The following SHOC2 variants were observed in gnomAD, a reference collection of about 807,000 sequenced individuals.
The protein encoded by SHOC2 is leucine-rich repeat protein SHOC-2.
A neutral mutation model predicts 50.2 loss-of-function variants in SHOC2; 4 were observed. The observed-to-expected ratio is 0.08, with a 90% CI of 0.04 to 0.18. SHOC2 has a LOEUF of 0.18. Among genes scored for constraint, SHOC2 ranks in the 10% least tolerant of loss-of-function variants. The pLI, the probability that SHOC2 is intolerant of heterozygous loss-of-function variation, is 1.00. For synonymous variants in SHOC2, 218 were observed against 244.5 expected, an observed-to-expected ratio of 0.89 and a Z score of 1.01; for missense variants, 388 against 669.6, an observed-to-expected ratio of 0.58 and a Z score of 4.64.
chr10:110,938,737 A>G (rs1168385557), intron 1 of SHOC2, among the ~76,000 whole-genome samples: 1 of 152,220 alleles, frequency 6.6e-6, no homozygotes, highest in Non-Finnish European at 1.5e-5. Context: ...TTGATAGTGG[A>G]ACTAAATGTT....
At chr10:110,926,755 GA>G (rs1590773899) in intron 1 of SHOC2, among the ~76,000 whole-genome samples, 1 of 152,234 alleles carries the variant, frequency 6.6e-6, no homozygotes, top group East Asian at 1.9e-4. Flanking sequence ...ATGTATTTTG[GA>G]AAAATTCCAT....
At position 110,941,760 on chromosome 10, in the gene SHOC2, T is replaced by C. The variant is rs191339356; in HGVS notation, c.-235+22103T>C. ...CAGGATCATTTGTGGGGCAAAACTT[T>C]TTAATTTCGATGAAGTGCAGTGTAT... On this transcript the variant is annotated intron_variant, in intron 1 of 8. Coordinates refer to ENST00000369452, the MANE Select transcript of SHOC2 (RefSeq NM_007373.4). Among the ~76,000 whole-genome samples, 199 of 152,356 alleles carry C rather than the reference T, an allele frequency of 1.3e-3. 1 individual carries two copies. The highest frequency in any genetic ancestry group is 1.5e-3 in the Non-Finnish European group (104 of 68,034).
intron 1 of SHOC2, among the ~76,000 whole-genome samples, chr10:110,941,094 A>G (rs1387070623): frequency 1.3e-5 from 2 of 151,374 alleles, no homozygotes; most frequent in Admixed American, 1.3e-4. Context: ...ACCATACCCA[A>G]CTAATTTTTA....
chr10:110,979,377 T>C (rs10885072), intron 2 of SHOC2, among the ~76,000 whole-genome samples: 90,936 of 152,138 alleles, frequency 0.6, 29,814 homozygotes, highest in Non-Finnish European at 0.75. Context: ...TCCCATCACC[T>C]TTGCCATATT....
intron 1 of SHOC2, among the ~76,000 whole-genome samples, chr10:110,950,336 T>G (rs1178165096): frequency 8.5e-5 from 13 of 152,078 alleles, no homozygotes; most frequent in Non-Finnish European, 1.6e-4. Context: ...GTGAATGATC[T>G]ACACAGAAAT....
At chr10:110,929,855 C>G (rs542203316) in intron 1 of SHOC2, among the ~76,000 whole-genome samples, 1 of 152,270 alleles carries the variant, frequency 6.6e-6, no homozygotes, top group Admixed American at 6.5e-5. Context: ...ATTATATTCA[C>G]AAGATAGTAG....
At chr10:110,943,933 A>T (rs1222761008) in intron 1 of SHOC2, among the ~76,000 whole-genome samples, 3 of 152,100 alleles carry the variant, frequency 2.0e-5, no homozygotes, top group Non-Finnish European at 2.9e-5. Context: ...CTTTTAGCAC[A>T]CTTCTTCCAC....
intron 1 of SHOC2, among the ~76,000 whole-genome samples, chr10:110,941,394 C>T (rs749545793): frequency 2.3e-4 from 35 of 151,828 alleles, no homozygotes; most frequent in Non-Finnish European, 4.0e-4. Flanking sequence ...TGTAGTGGCG[C>T]GATCTTGGCT....
At chr10:111,000,643 A>T in intron 4 of SHOC2, 98 bp downstream of exon 4, 1 of 1,112,914 alleles carries the variant, frequency 9.0e-7, no homozygotes, top group Non-Finnish European at 1.3e-6. Context: ...TAATTTGGTG[A>T]TTGAGATTGT....
chr10:110,976,746 G>A (rs561681648), intron 2 of SHOC2, among the ~76,000 whole-genome samples: 22 of 152,262 alleles, frequency 1.4e-4, no homozygotes, highest in African/African-American at 4.6e-4. Flanking sequence ...GAAGTCTGCT[G>A]TTATTCTGAT....
chr10:110,977,030 A>G (rs1029735960), intron 2 of SHOC2, among the ~76,000 whole-genome samples: 1 of 152,080 alleles, frequency 6.6e-6, no homozygotes, highest in African/African-American at 2.4e-5. Flanking sequence ...TTACTGTTCT[A>G]TACAATGAAG....
intron 1 of SHOC2, among the ~76,000 whole-genome samples, chr10:110,927,068 A>G (rs113510637): frequency 2.6e-5 from 4 of 152,334 alleles, no homozygotes; most frequent in Admixed American, 6.5e-5. Context: ...TGATAAGACA[A>G]AATAACTAAG....
At chr10:110,933,673 C>T (rs573660419) in intron 1 of SHOC2, among the ~76,000 whole-genome samples, 2 of 152,298 alleles carry the variant, frequency 1.3e-5, no homozygotes, top group African/African-American at 2.4e-5. Context: ...GTGGCATGCA[C>T]CTGTAGTCCC....
At chr10:110,961,306 A>C (rs375542594) in intron 1 of SHOC2, among the ~76,000 whole-genome samples, 102 of 152,340 alleles carry the variant, frequency 6.7e-4, no homozygotes, top group African/African-American at 2.3e-3. Flanking sequence ...ACTATTAAAT[A>C]AATAACTTAT....
chr10:111,009,126 A>ACAT (rs1227615693), intron 6 of SHOC2, 122 bp from the exon 7 acceptor site: 2 of 583,442 alleles, frequency 3.4e-6, no homozygotes, highest in African/African-American at 3.8e-5. Context: ...ATATAATTGA[A>ACAT]CATCACCCTT....
At chr10:111,009,107 T>G (rs576691123) in intron 6 of SHOC2, 141 bp from the exon 7 acceptor site, 1 of 453,488 alleles carries the variant, frequency 2.2e-6, no homozygotes, top group Non-Finnish European at 3.9e-6. Flanking sequence ...GTTAAATATT[T>G]TATATGTTAT....
intron 3 of SHOC2, among the ~76,000 whole-genome samples, chr10:110,992,164 T>C (rs1343702646): frequency 6.6e-6 from 1 of 152,188 alleles, no homozygotes; most frequent in Admixed American, 6.5e-5. Context: ...TCCCCTGTGA[T>C]AATTACTGCC....
intron 1 of SHOC2, among the ~76,000 whole-genome samples, chr10:110,963,580 G>A (rs1847614576): frequency 6.6e-6 from 1 of 151,668 alleles, no homozygotes; most frequent in Non-Finnish European, 1.5e-5. Flanking sequence ...AAAGCTATCC[G>A]CCAATTAATT....
chr10:110,979,425 C>T (rs979648330), intron 2 of SHOC2, among the ~76,000 whole-genome samples: 1 of 152,214 alleles, frequency 6.6e-6, no homozygotes, highest in African/African-American at 2.4e-5. Context: ...TTAGCCCACA[C>T]TCAAGGGGAG....
Sources: gnomAD v4.1 joint callset for allele counts (sites outside exome capture counted in the v4.1 genomes callset) on GRCh38, gnomAD v4.1.1 for gene constraint, MANE v1.5 for transcripts, NCBI Gene and HGNC (gene_info 2026-07-23, HGNC 2026-07-21) for gene names.